Variants in AGMO observed in about 807,000 individuals in gnomAD.
The protein encoded by AGMO is glyceryl-ether monooxygenase.
AGMO carries 75 observed loss-of-function variants against 60.2 expected under a neutral mutation model. The observed-to-expected ratio is 1.25, with a 90% confidence interval of 1.03 to 1.51. AGMO has a LOEUF of 1.51. AGMO is among the 40% of genes most tolerant of loss of function. The pLI, the probability that AGMO is intolerant of heterozygous loss-of-function variation, is 0.00. For missense variants in AGMO, 763 were observed against 525.5 expected, an observed-to-expected ratio of 1.45 and a Z score of -4.42; for synonymous variants, 261 against 177.1, an observed-to-expected ratio of 1.47 and a Z score of -3.76.
intron 12 of AGMO, among the ~76,000 whole-genome samples, chr7:15,284,671 G>A (rs1052650327): frequency 2.6e-5 from 4 of 152,036 alleles, no homozygotes; most frequent in Admixed American, 6.6e-5. Context: ...CAACCCTGCT[G>A]GAACTAGTCC....
intron 12 of AGMO, among the ~76,000 whole-genome samples, chr7:15,268,286 G>C (rs921104640): frequency 3.1e-4 from 47 of 151,884 alleles, no homozygotes; most frequent in African/African-American, 1.1e-3. Flanking sequence ...AGTTTTAAAA[G>C]CCTTTCCTTT....
intron 3 of AGMO, among the ~76,000 whole-genome samples, chr7:15,540,211 A>G (rs1219019370): frequency 1.3e-5 from 2 of 152,154 alleles, no homozygotes; most frequent in Non-Finnish European, 2.9e-5. Flanking sequence ...CACCACCCCC[A>G]GGTCTAAGAC....
chr7:15,273,642 T>C (rs1236723880), intron 12 of AGMO, among the ~76,000 whole-genome samples: 1 of 152,218 alleles, frequency 6.6e-6, no homozygotes, highest in Non-Finnish European at 1.5e-5. Context: ...AAAGTAGTTT[T>C]TTCCAACTCT....
At chr7:15,361,969 G>A (rs1782784238) in intron 12 of AGMO, among the ~76,000 whole-genome samples, 1 of 152,040 alleles carries the variant, frequency 6.6e-6, no homozygotes, top group Admixed American at 6.6e-5. Context: ...TAGGAGAAAG[G>A]GGATTTATTG....
Position 15,472,717 on chromosome 7 carries a change from T to A in AGMO, c.410-41609A>T, listed in dbSNP as rs186816882. 4.1e-3 allele frequency among the ~76,000 whole-genome samples: 625 copies of A among 152,076 alleles called. 5 individuals carry two copies. The highest frequency in any genetic ancestry group is 0.014 in the African/African-American group (591 of 41,518). ...TTTTCTGACAATATTTAAAGGAACA[T>A]TGTTGTGGTAATATTAGCCTATACA... On this transcript the variant is annotated intron_variant, in intron 3 of 12. Transcript: ENST00000342526.
intron 3 of AGMO, among the ~76,000 whole-genome samples, chr7:15,525,762 C>A (rs1414784851): frequency 6.6e-6 from 1 of 152,134 alleles, no homozygotes; most frequent in Non-Finnish European, 1.5e-5. Flanking sequence ...CCAGGAGCCC[C>A]AGGCTGGAGA....
chr7:15,190,426 A>G, the AGMO span, among the ~76,000 whole-genome samples: 29 of 152,090 alleles, frequency 1.9e-4, no homozygotes, highest in East Asian at 5.4e-3. Context: ...ATCATACTTC[A>G]TATAAAACTT....
chr7:15,203,744 T>A (rs1285427684), intron 12 of AGMO, among the ~76,000 whole-genome samples: 1 of 152,148 alleles, frequency 6.6e-6, no homozygotes, highest in African/African-American at 2.4e-5. Flanking sequence ...TCAAAATTCA[T>A]GTGGTTATAC....
chr7:15,385,644 A>G, intron 9 of AGMO, 82 bp from the exon 10 acceptor site: 3 of 784,718 alleles, frequency 3.8e-6, no homozygotes, highest in Non-Finnish European at 4.3e-6. Flanking sequence ...ATATTTGAAA[A>G]AAGTATCTGC....
chr7:15,272,115 C>T (rs1375863411), intron 12 of AGMO, among the ~76,000 whole-genome samples: 9 of 151,730 alleles, frequency 5.9e-5, no homozygotes, highest in Non-Finnish European at 1.2e-4. Context: ...ATATGTTTAT[C>T]AGGGATATTG....
At chr7:15,162,258 A>G in the AGMO span, among the ~76,000 whole-genome samples, 3 of 152,164 alleles carry the variant, frequency 2.0e-5, no homozygotes, top group African/African-American at 7.2e-5. Flanking sequence ...ACCCAGTCTC[A>G]GGTAGTATAT....
chr7:15,339,169 A>G (rs1160139886), intron 12 of AGMO, among the ~76,000 whole-genome samples: 1 of 152,182 alleles, frequency 6.6e-6, no homozygotes, highest in Admixed American at 6.5e-5. Context: ...GAGATGGGAG[A>G]AAGAGGGAGA....
At chr7:15,223,337 G>C (rs1482554303) in intron 12 of AGMO, among the ~76,000 whole-genome samples, 1 of 151,728 alleles carries the variant, frequency 6.6e-6, no homozygotes, top group Non-Finnish European at 1.5e-5. Flanking sequence ...TACAATTTTT[G>C]ATAAAATTGT....
the AGMO span, among the ~76,000 whole-genome samples, chr7:15,142,735 G>A: frequency 6.6e-6 from 1 of 152,122 alleles, no homozygotes; most frequent in Non-Finnish European, 1.5e-5. Flanking sequence ...AAAAGAGCTA[G>A]GCTACCTTAG....
At chr7:15,287,046 G>A (rs1255092524) in intron 12 of AGMO, among the ~76,000 whole-genome samples, 1 of 152,044 alleles carries the variant, frequency 6.6e-6, no homozygotes, top group Non-Finnish European at 1.5e-5. Context: ...CATACAGAGT[G>A]GTATAATGGA....
chr7:15,166,340 C>T, the AGMO span, among the ~76,000 whole-genome samples: 4 of 152,036 alleles, frequency 2.6e-5, no homozygotes, highest in Admixed American at 2.0e-4. Context: ...GCAATGAGTG[C>T]AAAGCCCCAG....
At chr7:15,342,659 G>A (rs1025488426) in intron 12 of AGMO, among the ~76,000 whole-genome samples, 1 of 151,424 alleles carries the variant, frequency 6.6e-6, no homozygotes, top group African/African-American at 2.4e-5. Flanking sequence ...TTGCGCGCGT[G>A]TGTGTGTGTA....
At chr7:15,306,340 G>A (rs1037033470) in intron 12 of AGMO, 16 of 253,032 alleles carry the variant, frequency 6.3e-5, no homozygotes, top group Non-Finnish European at 1.1e-4. Flanking sequence ...TGAATCCAGG[G>A]TAACTTCATT....
At chr7:15,186,094 T>C in the AGMO span, among the ~76,000 whole-genome samples, 1 of 152,188 alleles carries the variant, frequency 6.6e-6, no homozygotes, top group Admixed American at 6.5e-5. Flanking sequence ...CTCAATACCT[T>C]GGCCATTGCA....
Sources: gnomAD v4.1 joint callset for allele counts (sites outside exome capture counted in the v4.1 genomes callset) on GRCh38, gnomAD v4.1.1 for gene constraint, MANE v1.5 for transcripts, NCBI Gene and HGNC (gene_info 2026-07-23, HGNC 2026-07-21) for gene names.